SLC25A25: variants seen among roughly 807,000 people sequenced by gnomAD.
SLC25A25 encodes the protein mitochondrial adenyl nucleotide antiporter SLC25A25.
In SLC25A25, 32 loss-of-function variants were observed where a neutral mutation model predicts 57.7. That is an observed-to-expected ratio of 0.55 (90% CI 0.42 to 0.74). The LOEUF (loss-of-function observed/expected upper bound fraction) is 0.74, where lower values mean the gene tolerates loss of function less well. SLC25A25 is among the 30% of genes least tolerant of loss of function. The pLI is 0.00. For missense variants in SLC25A25, 556 were observed against 701.3 expected, an observed-to-expected ratio of 0.79 and a Z score of 2.34; for synonymous variants, 306 against 291.2, an observed-to-expected ratio of 1.05 and a Z score of -0.52.
At position 128,068,490 on chromosome 9, in the gene SLC25A25, C is replaced by T. The variant is rs760327745; in HGVS notation, c.171C>T (p.Leu57=). The part of the protein sequence containing the change: ...RLRLWRLFQT[L]DVNRDGGLCV... ...GCCTGTGGAGACTCTTTCAGACGCT[C>T]GACGTCAACCGGGACGGCGGCCTGT... The change falls in exon 1 of 11, where the codon CTC becomes CTT. Residue 57 remains leucine, a synonymous_variant. Transcript: ENST00000373069. 15 of 1,512,954 alleles carry T rather than the reference C, an allele frequency of 9.9e-6. No homozygotes were observed. Among genetic ancestry groups the T allele is most frequent in the Admixed American group, 2.0e-5 (1 of 49,148 alleles). 93.7% of individuals were successfully genotyped at this position (1,512,954 alleles called of 1,614,324 possible). A position where few individuals can be genotyped will look rare whatever the true frequency, so the allele number is the denominator to read the frequency against.
At chr9:128,081,922 A>AT (rs1554732138) in intron 1 of SLC25A25, among the ~76,000 whole-genome samples, 10 of 151,498 alleles carry the variant, frequency 6.6e-5, no homozygotes, top group Admixed American at 6.6e-4. Flanking sequence ...CTGTCTCAAA[A>AT]AAAATAAAGT....
At position 128,107,199 on chromosome 9, in the gene SLC25A25, G is replaced by A. The variant is rs1834080572; in HGVS notation, c.1363+20G>A. The A allele has an allele frequency of 1.2e-6, 2 of 1,613,526 alleles. No homozygotes were observed. The highest frequency in any genetic ancestry group is 1.7e-6 in the Non-Finnish European group (2 of 1,179,880). ...CGCAAGGTAAGGCTGGCCCTGGACA[G>A]TCCCCTGGGAGGTCGGGGGGAGCGG... On this transcript the variant is annotated intron_variant, in intron 10 of 10. Coordinates refer to ENST00000373069, the MANE Select transcript of SLC25A25 (RefSeq NM_001330988.2).
intron 1 of SLC25A25, among the ~76,000 whole-genome samples, chr9:128,082,060 A>T (rs2130792272): frequency 6.6e-6 from 1 of 152,362 alleles, no homozygotes; most frequent in African/African-American, 2.4e-5. Flanking sequence ...AAAGAAAAAG[A>T]CATCTTTAAT....
intron 1 of SLC25A25, among the ~76,000 whole-genome samples, chr9:128,080,058 A>G (rs1588753588): frequency 6.7e-6 from 1 of 149,404 alleles, no homozygotes; most frequent in Admixed American, 6.7e-5. Context: ...CTGAGGCAGG[A>G]GAATCGCTTA....
Position 128,105,714 on chromosome 9 carries a change from G to A in SLC25A25, c.784-15G>A, listed in dbSNP as rs368885931. The A allele has an allele frequency of 7.3e-5, 117 of 1,612,080 alleles. No homozygotes were observed. In the South Asian group the frequency reaches 1.0e-3, roughly 14 times the overall value. On this transcript the variant is annotated splice_polypyrimidine_tract_variant and intron_variant, in intron 6 of 10. Transcript: ENST00000373069. ...GCCCCCCGGGTCCGTCTGACTGTTCGGTCCTCCCTCCCAGGTCCATGCCTC... is the reference window on the plus strand; with the variant it reads ...GCCCCCCGGGTCCGTCTGACTGTTCAGTCCTCCCTCCCAGGTCCATGCCTC...
chr9:128,082,736 C>A (rs1334777511), intron 1 of SLC25A25, among the ~76,000 whole-genome samples: 1 of 152,166 alleles, frequency 6.6e-6, no homozygotes, highest in Non-Finnish European at 1.5e-5. Context: ...ACCTCCGCCT[C>A]CCGGATTCAA....
At position 128,102,559 on chromosome 9, in the gene SLC25A25, G is replaced by A. The variant is rs922588785; in HGVS notation, c.624+78G>A. ...GAGTCACCCAGTCGTCCCCATCCCA[G>A]AGTGCAGCTGGGGCTTTCCAGCCAC... is the stretch of plus-strand genomic sequence containing the variant. On this transcript the variant is annotated intron_variant, in intron 5 of 10. Coordinates refer to ENST00000373069, the MANE Select transcript of SLC25A25 (RefSeq NM_001330988.2). This position sits in a 1 kb window ranked among gnomAD's most constrained non-coding sequence, Gnocchi z 4.1. 3.3e-6 allele frequency: 4 copies of A among 1,194,844 alleles called. No individual in the cohort carries two copies. In the African/African-American group the frequency reaches 6.1e-5, roughly 18 times the overall value. The allele number at this position is 1,194,844 out of a possible 1,614,324, so 74.0% of individuals were successfully genotyped here. A position where few individuals can be genotyped will look rare whatever the true frequency, so the allele number is the denominator to read the frequency against.
Position 128,107,109 on chromosome 9 carries a change from C to T in SLC25A25, c.1293C>T (p.Thr431=). Residue 431 remains threonine, a synonymous_variant, in exon 10 of 11, where the codon ACC becomes ACT. Coordinates refer to ENST00000373069, the MANE Select transcript of SLC25A25 (RefSeq NM_001330988.2). ...TGTTTGTGCTCCTGGCCTGTGGCAC[C>T]ATGTCCAGTACCTGTGGCCAGCTGG... ...PGVFVLLACG[T]MSSTCGQLAS... 6.2e-7 allele frequency: 1 copy of T among 1,614,114 alleles called. No homozygotes were observed. Among genetic ancestry groups the T allele is most frequent in the Non-Finnish European group, 8.5e-7 (1 of 1,180,042 alleles).
chr9:128,085,331 CAAAA>C (rs35591586), intron 1 of SLC25A25, among the ~76,000 whole-genome samples: 1 of 146,752 alleles, frequency 6.8e-6, no homozygotes. Flanking sequence ...AACTCCGTCT[CAAAA>C]AAAAAAAAAG....
Position 128,102,356 on chromosome 9 carries a change from CCT to C in SLC25A25, c.513-11_513-10del. 1.2e-6 allele frequency: 2 copies of C among 1,610,498 alleles called. No homozygotes were observed. The highest frequency in any genetic ancestry group is 1.7e-6 in the Non-Finnish European group (2 of 1,176,856). ...GCATGTGGGCACGTGGGCAGCCTCGCCTCTGTCTTGCAGCATGGATAAAAACG... is the reference window on the plus strand; with the variant it reads ...GCATGTGGGCACGTGGGCAGCCTCGCCTGTCTTGCAGCATGGATAAAAACG... On this transcript the variant is annotated splice_polypyrimidine_tract_variant and intron_variant, in intron 4 of 10. Transcript: ENST00000373069. The surrounding 1 kb of genome is among the most constrained non-coding windows in gnomAD (Gnocchi z 4.1).
Position 128,102,105 on chromosome 9 carries a change from C to G in SLC25A25, c.502C>G (p.Pro168Ala). The change falls in exon 4 of 11, where the codon CCT becomes GCT. Residue 168 changes from proline to alanine, a missense_variant. Pro to Ala is a conservative substitution (Grantham distance 27). This residue lies in a region of SLC25A25 where 248 missense variants were observed against 273.5 expected (regional missense o/e 0.91). Transcript: ENST00000373069. The surrounding 1 kb of genome is among the most constrained non-coding windows in gnomAD (Gnocchi z 4.1). Reference sequence around the variant, plus strand: ...AATACGAACGGGCCATTTCTGGGGCCCTGTCACCTAGTAAGTATCCATGTC... The same window carrying G: ...AATACGAACGGGCCATTTCTGGGGCGCTGTCACCTAGTAAGTATCCATGTC... ...KRIRTGHFWG[P>A]VTYMDKNGTM... is the part of the protein sequence containing the mutation. 1 of 1,550,606 alleles carries G rather than the reference C, an allele frequency of 6.4e-7. No homozygotes were observed. Among genetic ancestry groups the G allele is most frequent in the Non-Finnish European group, 8.7e-7 (1 of 1,146,990 alleles).
chr9:128,088,098 T>G, intron 1 of SLC25A25, among the ~76,000 whole-genome samples: 1 of 152,236 alleles, frequency 6.6e-6, no homozygotes, highest in Non-Finnish European at 1.5e-5. Flanking sequence ...TCTTGGGTGC[T>G]GGTTATTAGT....
intron 1 of SLC25A25, among the ~76,000 whole-genome samples, chr9:128,097,452 A>G (rs1192846613): frequency 8.6e-6 from 1 of 116,634 alleles, no homozygotes; most frequent in East Asian, 2.6e-4. Flanking sequence ...TGCATGAGAC[A>G]CAGTTTCACT....
chr9:128,079,265 C>G (rs948147139), intron 1 of SLC25A25, among the ~76,000 whole-genome samples: 1 of 152,000 alleles, frequency 6.6e-6, no homozygotes, highest in Non-Finnish European at 1.5e-5. Context: ...CAGTGTTGTT[C>G]CATCACACTC....
Position 128,103,541 on chromosome 9 carries a change from C to T in SLC25A25, c.625-140C>T, listed in dbSNP as rs367931898. 3 of 994,550 alleles carry T rather than the reference C, an allele frequency of 3.0e-6. No homozygotes were observed. The highest frequency in any genetic ancestry group is 2.9e-4 in the Middle Eastern group (1 of 3,394). 61.6% of individuals were successfully genotyped at this position (994,550 alleles called of 1,614,324 possible). ...CAGAGTGAAGGGAAAGACCCCAGCC[C>T]GCTTCCCACCCAGAGTCCTTGGCCT... On this transcript the variant is annotated intron_variant, in intron 5 of 10. Coordinates refer to ENST00000373069, the MANE Select transcript of SLC25A25 (RefSeq NM_001330988.2). The surrounding 1 kb of genome is among the most constrained non-coding windows in gnomAD (Gnocchi z 6.7).
Position 128,078,656 on chromosome 9 carries a change from G to A in SLC25A25, c.261+10076G>A, listed in dbSNP as rs74703837. 9.3e-3 allele frequency among the ~76,000 whole-genome samples: 1,410 copies of A among 152,282 alleles called. 19 individuals are homozygous for A. The highest frequency in any genetic ancestry group is 0.033 in the African/African-American group (1,352 of 41,548). On this transcript the variant is annotated intron_variant, in intron 1 of 10. Coordinates refer to ENST00000373069, the MANE Select transcript of SLC25A25 (RefSeq NM_001330988.2). ...AGAAGCCGTGGATCGTCTTTCCTAAGTACAGAGTTGACCTTGAAGTTGTGA... is the reference window on the plus strand; with the variant it reads ...AGAAGCCGTGGATCGTCTTTCCTAAATACAGAGTTGACCTTGAAGTTGTGA...
At position 128,069,855 on chromosome 9, in the gene SLC25A25, G is replaced by C. The variant is rs558660587; in HGVS notation, c.261+1275G>C. On this transcript the variant is annotated intron_variant, in intron 1 of 10. Coordinates refer to ENST00000373069, the MANE Select transcript of SLC25A25 (RefSeq NM_001330988.2). ...CAGCCTCCGCCTCCTGGGTTCAAGA[G>C]ATTCTCCCGCCTCAGCCTCCCCAGT... Among the ~76,000 whole-genome samples the C allele has an allele frequency of 5.3e-3, 776 of 147,184 alleles. 11 individuals carry two copies. Among genetic ancestry groups the C allele is most frequent in the African/African-American group, 0.018 (707 of 38,294 alleles).
Position 128,091,450 on chromosome 9 carries a change from G to T in SLC25A25, c.262-9646G>T, listed in dbSNP as rs1017390005. The T allele has an allele frequency of 1.0e-5, 10 of 985,844 alleles. No homozygotes were observed. The South Asian group carries it at 1.4e-4, about 14-fold the overall frequency. The allele number at this position is 985,844 out of a possible 1,614,324, so 61.1% of individuals were successfully genotyped here. A position where few individuals can be genotyped will look rare whatever the true frequency, so the allele number is the denominator to read the frequency against. ...ATGCAGACTGGATGCTCGGGTCCTC[G>T]GCTTGGGTGATGAGCGAGGACAGCT... On this transcript the variant is annotated intron_variant, in intron 1 of 10. Transcript: ENST00000373069.
In SLC25A25 at chr9:128,108,000, G is replaced by C. The variant is rs1834123327; in HGVS notation, c.*556G>C. 2.5e-6 allele frequency: 1 copy of C among 398,760 alleles called. No individual in the cohort carries two copies. Among genetic ancestry groups the C allele is most frequent in the African/African-American group, 2.1e-5 (1 of 48,646 alleles). The allele number at this position is 398,760 out of a possible 1,614,324, so 24.7% of individuals were successfully genotyped here. A position where few individuals can be genotyped will look rare whatever the true frequency, so the allele number is the denominator to read the frequency against. On this transcript the variant is annotated 3_prime_UTR_variant, in exon 11 of 11. Transcript: ENST00000373069. The stretch of plus-strand genomic sequence containing the variant: ...CAACCTACAGCATTGACGCCAACTT[G>C]GCTGTGAAGGAAGAGGAAAGGATCT...
Sources: allele counts gnomAD v4.1 joint callset (sites outside exome capture counted in the v4.1 genomes callset), GRCh38; gene constraint gnomAD v4.1.1; regional missense constraint gnomAD v4.1.1; non-coding constraint Gnocchi (gnomAD v3.1); transcripts MANE v1.5; gene names NCBI Gene and HGNC (gene_info 2026-07-23, HGNC 2026-07-21).